Variants in RSRC1 observed in about 807,000 individuals in gnomAD.
RSRC1 encodes arginine and serine rich coiled-coil 1, also known as serine/Arginine-related protein 53.
RSRC1 carries 39 observed loss-of-function variants against 49.1 expected under a neutral mutation model. That is an observed-to-expected ratio of 0.79 (90% CI 0.61 to 1.04). The LOEUF is 1.04. Among genes scored for constraint, RSRC1 ranks in the 50% least tolerant of loss-of-function variants. RSRC1 has a pLI of 0.00. For missense variants in RSRC1, 388 were observed against 402.4 expected (o/e 0.96, Z 0.31); for synonymous variants, 143 against 130.8 (o/e 1.09, Z -0.63).
intron 3 of RSRC1, among the ~76,000 whole-genome samples, chr3:158,180,312 T>C (rs1005292221): frequency 1.3e-5 from 2 of 151,672 alleles, no homozygotes; most frequent in Non-Finnish European, 1.5e-5. Context: ...CTAGAACTTT[T>C]ATGGTTTTTT....
chr3:158,501,695 G>T (rs1739606611), intron 7 of RSRC1, among the ~76,000 whole-genome samples: 1 of 152,034 alleles, frequency 6.6e-6, no homozygotes, highest in Non-Finnish European at 1.5e-5. Context: ...GTGTCCATTT[G>T]CATGAAATGC....
intron 3 of RSRC1, among the ~76,000 whole-genome samples, chr3:158,190,514 TTTTAA>T (rs1264883423): frequency 9.9e-5 from 15 of 151,682 alleles, no homozygotes; most frequent in Admixed American, 7.2e-4. Context: ...ACTTATTTTA[TTTTAA>T]TTTATTTACT....
rs556152598 is a variant in RSRC1 at position 158,246,139 on chromosome 3, C to T, written c.494+42894C>T. Among the ~76,000 whole-genome samples the T allele has an allele frequency of 4.6e-5, 7 of 151,634 alleles. No individual in the cohort carries two copies. The South Asian group carries it at 8.3e-4, about 18-fold the overall frequency. ...GAAACCATCATTCTCAGCAAACTAT[C>T]GTTAAGAACAAAAAACCAAACACCG... On this transcript the variant is annotated intron_variant, in intron 4 of 9. Transcript: ENST00000611884.
intron 1 of RSRC1, among the ~76,000 whole-genome samples, chr3:158,113,567 C>T (rs1204075317): frequency 1.3e-5 from 2 of 151,998 alleles, no homozygotes; most frequent in East Asian, 1.9e-4. Flanking sequence ...CAGGGTTTCA[C>T]CATGCTGGCC....
chr3:158,292,307 C>T (rs1257266529), intron 4 of RSRC1, among the ~76,000 whole-genome samples: 1 of 152,116 alleles, frequency 6.6e-6, no homozygotes, highest in African/African-American at 2.4e-5. Flanking sequence ...TGCAGAACAT[C>T]AATCATGGCA....
chr3:158,236,723 G>A (rs985263013), intron 4 of RSRC1, among the ~76,000 whole-genome samples: 1 of 152,152 alleles, frequency 6.6e-6, no homozygotes, highest in Non-Finnish European at 1.5e-5. Flanking sequence ...GATGGGAAAA[G>A]TCAAATAAAA....
At chr3:158,381,380 G>C (rs1218338589) in intron 6 of RSRC1, among the ~76,000 whole-genome samples, 3 of 152,130 alleles carry the variant, frequency 2.0e-5, no homozygotes, top group African/African-American at 7.2e-5. Context: ...TTCCATATGA[G>C]CAGTCCCCCT....
intron 3 of RSRC1, among the ~76,000 whole-genome samples, chr3:158,175,395 T>A (rs558067246): frequency 6.6e-6 from 1 of 152,254 alleles, no homozygotes; most frequent in African/African-American, 2.4e-5. Flanking sequence ...TCTTCCAAGA[T>A]CTTGAAGAAA....
At chr3:158,318,049 T>TGTG (rs750765594) in intron 5 of RSRC1, among the ~76,000 whole-genome samples, 2 of 147,944 alleles carry the variant, frequency 1.4e-5, no homozygotes, top group Non-Finnish European at 3.0e-5. Context: ...GTGTGTGTGT[T>TGTG]TGTTTTTGGC....
chr3:158,390,959 T>C (rs924202304), intron 6 of RSRC1, among the ~76,000 whole-genome samples: 4 of 151,544 alleles, frequency 2.6e-5, no homozygotes, highest in African/African-American at 9.8e-5. Flanking sequence ...CCAAAATTAC[T>C]TATTATTTTT....
At chr3:158,488,407 A>G (rs939543616) in intron 7 of RSRC1, among the ~76,000 whole-genome samples, 2 of 152,146 alleles carry the variant, frequency 1.3e-5, no homozygotes, top group Non-Finnish European at 2.9e-5. Context: ...CCTGTATCAC[A>G]TTATTTTATT....
At chr3:158,419,484 G>T (rs1412123262) in intron 6 of RSRC1, among the ~76,000 whole-genome samples, 1 of 151,942 alleles carries the variant, frequency 6.6e-6, no homozygotes, top group South Asian at 2.1e-4. Flanking sequence ...TTGAGAGAGT[G>T]CCCTGAGTTG....
chr3:158,469,421 T>C, intron 7 of RSRC1: 1 of 435,930 alleles, frequency 2.3e-6, no homozygotes, highest in Admixed American at 2.7e-5. Flanking sequence ...GATTCCTGTC[T>C]GTGGAATCAG....
intron 3 of RSRC1, among the ~76,000 whole-genome samples, chr3:158,193,096 A>G (rs1252848802): frequency 6.6e-6 from 1 of 151,934 alleles, no homozygotes; most frequent in Admixed American, 6.6e-5. Flanking sequence ...TTGTTTCACA[A>G]CTCAGTTAGG....
chr3:158,140,435 C>T (rs1716676127), intron 3 of RSRC1, among the ~76,000 whole-genome samples: 1 of 152,092 alleles, frequency 6.6e-6, no homozygotes, highest in Admixed American at 6.5e-5. Context: ...CCACTATTAC[C>T]ATTGGCCTTT....
intron 1 of RSRC1, chr3:158,110,594 A>C (rs1714316240): frequency 1.3e-5 from 2 of 152,110 alleles, no homozygotes; most frequent in African/African-American, 4.8e-5. Context: ...GCGCTTCCTC[A>C]CTAGCTCTAG....
chr3:158,132,698 C>G (rs1325752734), intron 3 of RSRC1, among the ~76,000 whole-genome samples: 3 of 152,156 alleles, frequency 2.0e-5, no homozygotes, highest in Non-Finnish European at 2.9e-5. Context: ...ATGAGCTATC[C>G]TTTCCTTGTT....
At chr3:158,498,370 G>A (rs1306447489) in intron 7 of RSRC1, among the ~76,000 whole-genome samples, 1 of 151,988 alleles carries the variant, frequency 6.6e-6, no homozygotes, top group Non-Finnish European at 1.5e-5. Context: ...CTTCTTTTGA[G>A]AATTGTCTAT....
At chr3:158,517,596 C>CT (rs11341682) in intron 7 of RSRC1, among the ~76,000 whole-genome samples, 24 of 144,096 alleles carry the variant, frequency 1.7e-4, no homozygotes, top group East Asian at 4.1e-4. Context: ...TTTTGTTAGA[C>CT]TTTTTTTTTT....
Sources: gnomAD v4.1 joint callset for allele counts (sites outside exome capture counted in the v4.1 genomes callset) on GRCh38, gnomAD v4.1.1 for gene constraint, MANE v1.5 for transcripts, NCBI Gene and HGNC (gene_info 2026-07-23, HGNC 2026-07-21) for gene names.